Variants in MCUR1 observed in about 807,000 individuals in gnomAD.
The protein encoded by MCUR1 is MCU regulator 1.
MCUR1 carries 37 observed loss-of-function variants against 42.0 expected under a neutral mutation model. The ratio of observed to expected loss-of-function variants is 0.88; its 90% CI spans 0.68 to 1.16. MCUR1 has a LOEUF of 1.16. MCUR1 is among the 50% of genes most tolerant of loss of function. MCUR1 has a pLI of 0.00. For missense variants in MCUR1, 469 were observed against 468.4 expected, an observed-to-expected ratio of 1.00 and a Z score of -0.01; for synonymous variants, 229 against 196.2, an observed-to-expected ratio of 1.17 and a Z score of -1.40.
rs1324319379 is a variant in MCUR1, at chr6:13,789,353, A to G, written c.*1456T>C. Reference sequence around the variant, plus strand: ...GAGGCAGAGGTTGCAGTGAGCAGAGATCACGACAATGCACTCCAGCCCTGC... The same window carrying G: ...GAGGCAGAGGTTGCAGTGAGCAGAGGTCACGACAATGCACTCCAGCCCTGC... On this transcript the variant is annotated 3_prime_UTR_variant, in exon 9 of 9. Coordinates refer to ENST00000379170, the MANE Select transcript of MCUR1 (RefSeq NM_001031713.4). The G allele has an allele frequency of 6.6e-6, 1 of 152,278 alleles. No homozygotes were observed. Among genetic ancestry groups the G allele is most frequent in the African/African-American group, 2.4e-5 (1 of 41,404 alleles). The allele number at this position is 152,278 out of a possible 1,614,324, so 9.4% of individuals were successfully genotyped here.
chr6:13,814,388 C>T lies in MCUR1; in HGVS notation c.42G>A (p.Leu14=), dbSNP rs1760325085. The change falls in exon 1 of 9, where the codon CTG becomes CTA. Residue 14 remains leucine, a synonymous_variant. Coordinates refer to ENST00000379170, the MANE Select transcript of MCUR1 (RefSeq NM_001031713.4). ...GSVGGQRTQR[L]PGRQRLLFLP... ...AGAAGAGAAGCCGCTGGCGGCCGGG[C>T]AGGCGCTGGGTCCTCTGGCCGCCGA... 2.0e-6 allele frequency: 3 copies of T among 1,535,108 alleles called. No individual in the cohort carries two copies. The highest frequency in any genetic ancestry group is 2.4e-5 in the South Asian group (2 of 83,950).
At chr6:13,813,817 C>T (rs1760292785) in intron 1 of MCUR1, among the ~76,000 whole-genome samples, 198 bp downstream of exon 1, 1 of 152,208 alleles carries the variant, frequency 6.6e-6, no homozygotes, top group Non-Finnish European at 1.5e-5. Context: ...TTCGTCTCTT[C>T]TGGGCTAAGC....
rs1759919485 is a variant in MCUR1, at chr6:13,798,896, C to T, written c.792G>A (p.Val264=). 6.3e-7 allele frequency: 1 copy of T among 1,590,646 alleles called. No homozygotes were observed. The highest frequency in any genetic ancestry group is 8.6e-7 in the Non-Finnish European group (1 of 1,159,576). Residue 264 remains valine (V), a synonymous_variant, in exon 6 of 9, where the codon GTG becomes GTA. Transcript: ENST00000379170. ...HQLKQQVMDE[V]IKVRTDTKLD... is the part of the protein sequence containing the mutation. ...ATTTGGTATCTGTTCGGACTTTGAT[C>T]ACTTCATCCTAAAAGGAGGGCAAAC...
chr6:13,811,359 T>C (rs1200218877), intron 1 of MCUR1, among the ~76,000 whole-genome samples: 2 of 152,098 alleles, frequency 1.3e-5, no homozygotes, highest in Non-Finnish European at 2.9e-5. Context: ...TTTTTGGTAA[T>C]TGAACTGTAA....
Position 13,791,037 on chromosome 6 carries a change from T to A in MCUR1, c.1025-173A>T, listed in dbSNP as rs561799893. On this transcript the variant is annotated intron_variant, in intron 8 of 8. Transcript: ENST00000379170. ...AAAAAACAAATCCCACACCCTTTATTTTATTTTCTTATTTTAGAGACATGG... is the reference window on the plus strand; with the variant it reads ...AAAAAACAAATCCCACACCCTTTATATTATTTTCTTATTTTAGAGACATGG... 3.3e-5 allele frequency among the ~76,000 whole-genome samples: 5 copies of A among 152,206 alleles called. No homozygotes were observed. In the South Asian group the frequency reaches 1.0e-3, roughly 32 times the overall value.
At position 13,814,539 on chromosome 6, in the gene MCUR1, C is replaced by T. The variant is rs1760334788; in HGVS notation, c.-110G>A. ...CAGCGGGAGCGAGCGTGGGCCACAG[C>T]GCAGGACCGCCCTTTCCTGCCGGGC... On this transcript the variant is annotated 5_prime_UTR_variant, in exon 1 of 9. Coordinates refer to ENST00000379170, the MANE Select transcript of MCUR1 (RefSeq NM_001031713.4). 3 of 1,194,552 alleles carry T rather than the reference C, an allele frequency of 2.5e-6. No individual in the cohort carries two copies. Among genetic ancestry groups the T allele is most frequent in the Non-Finnish European group, 3.2e-6 (3 of 946,576 alleles). The allele number at this position is 1,194,552 out of a possible 1,614,324, so 74.0% of individuals were successfully genotyped here. A position where few individuals can be genotyped will look rare whatever the true frequency, so the allele number is the denominator to read the frequency against.
At chr6:13,801,638 C>T (rs891061006) in intron 3 of MCUR1, among the ~76,000 whole-genome samples, 2 of 152,094 alleles carry the variant, frequency 1.3e-5, no homozygotes, top group African/African-American at 2.4e-5. Flanking sequence ...TCACTTGAGC[C>T]AAGGAGTTCG....
chr6:13,792,136 C>G (rs1422036895), intron 7 of MCUR1, 144 bp from the exon 8 acceptor site: 27 of 654,518 alleles, frequency 4.1e-5, no homozygotes, highest in South Asian at 5.3e-5. Flanking sequence ...AGTTCTAAAA[C>G]CCTAATTCTA....
chr6:13,812,240 C>A (rs1445383175), intron 1 of MCUR1, among the ~76,000 whole-genome samples: 1 of 152,136 alleles, frequency 6.6e-6, no homozygotes, highest in African/African-American at 2.4e-5. Flanking sequence ...CTCATGACAT[C>A]CTTAAGTAGC....
At chr6:13,794,204 C>T (rs1172371201) in intron 6 of MCUR1, among the ~76,000 whole-genome samples, 3 of 151,926 alleles carry the variant, frequency 2.0e-5, no homozygotes, top group Admixed American at 6.6e-5. Context: ...CTGCCCACCT[C>T]GGCCTCCCAA....
rs971365583 is a variant in MCUR1, at chr6:13,798,892, T to C, written c.796A>G (p.Lys266Glu). Residue 266 changes from lysine (K) to glutamate (E), a missense_variant, in exon 6 of 9, where the codon AAA becomes GAA. Lys to Glu is a moderately conservative substitution (Grantham distance 56). Transcript: ENST00000379170. ...TCTAATTTGGTATCTGTTCGGACTTTGATCACTTCATCCTAAAAGGAGGGC... is the reference window on the plus strand; with the variant it reads ...TCTAATTTGGTATCTGTTCGGACTTCGATCACTTCATCCTAAAAGGAGGGC... ...LKQQVMDEVI[K>E]VRTDTKLDFN... 2 of 1,600,372 alleles carry C rather than the reference T, an allele frequency of 1.2e-6. No individual in the cohort carries two copies. The highest frequency in any genetic ancestry group is 3.3e-5 in the Admixed American group (2 of 59,818).
intron 6 of MCUR1, among the ~76,000 whole-genome samples, chr6:13,796,363 C>T (rs1012704644): frequency 6.6e-6 from 1 of 150,864 alleles, no homozygotes; most frequent in Non-Finnish European, 1.5e-5. Context: ...TCTCGGCTCA[C>T]TGCAATCTCT....
intron 1 of MCUR1, among the ~76,000 whole-genome samples, chr6:13,808,142 G>C (rs1035146097): frequency 1.3e-5 from 2 of 152,130 alleles, no homozygotes; most frequent in African/African-American, 2.4e-5. Context: ...CCCCTTCCCC[G>C]ACACGTGTGC....
chr6:13,790,906 A>C, intron 8 of MCUR1, 42 bp from the exon 9 acceptor site: 1 of 1,442,610 alleles, frequency 6.9e-7, no homozygotes, highest in Non-Finnish European at 9.6e-7. Flanking sequence ...AGTTCTATTA[A>C]GAGTTACTTG....
chr6:13,813,889 G>C, intron 1 of MCUR1, 126 bp downstream of exon 1: 1 of 1,030,324 alleles, frequency 9.7e-7, no homozygotes, highest in Non-Finnish European at 1.2e-6. Context: ...GGCAGATGCC[G>C]GTGGCCTTGG....
intron 1 of MCUR1, among the ~76,000 whole-genome samples, chr6:13,812,803 A>G (rs1315272231): frequency 6.6e-6 from 1 of 152,232 alleles, no homozygotes; most frequent in East Asian, 1.9e-4. Flanking sequence ...AGACTGCCCA[A>G]AGTGATAATT....
In MCUR1 at chr6:13,789,386, C is replaced by A. The variant is rs549702512; in HGVS notation, c.*1423G>T. Reference sequence around the variant, plus strand: ...AATGCACTCCAGCCCTGCGACAGTGCGAGACTCCGTCTCAAAAAAAAAAAA... The same window carrying A: ...AATGCACTCCAGCCCTGCGACAGTGAGAGACTCCGTCTCAAAAAAAAAAAA... On this transcript the variant is annotated 3_prime_UTR_variant, in exon 9 of 9. Coordinates refer to ENST00000379170, the MANE Select transcript of MCUR1 (RefSeq NM_001031713.4). 6.7e-6 allele frequency: 1 copy of A among 149,776 alleles called. No homozygotes were observed. Among genetic ancestry groups the A allele is most frequent in the African/African-American group, 2.5e-5 (1 of 40,516 alleles). 9.3% of individuals were successfully genotyped at this position (149,776 alleles called of 1,614,324 possible). A position where few individuals can be genotyped will look rare whatever the true frequency, so the allele number is the denominator to read the frequency against.
rs775772904 is a variant in MCUR1, at chr6:13,802,286, T to C, written c.596A>G (p.Asn199Ser). 3.1e-6 allele frequency: 5 copies of C among 1,614,008 alleles called. No individual in the cohort carries two copies. In the African/African-American group the frequency reaches 5.3e-5, roughly 17 times the overall value. ...VSALVKILEANMDIVYKDMVT... is the reference protein window; with the variant it reads ...VSALVKILEASMDIVYKDMVT... ...CATATCTTTGTAGACGATGTCCATG[T>C]TGGCCTCCAGGATCTTGACCAATGC... The change falls in exon 3 of 9, where the codon AAC becomes AGC. Residue 199 changes from asparagine to serine, a missense_variant. Transcript: ENST00000379170.
At position 13,807,106 on chromosome 6, in the gene MCUR1, C is replaced by G. The variant is rs148821997; in HGVS notation, c.416-62G>C. ...CATGCAAAACAAAAGCAACTCAGCA[C>G]CCAGAGAAAATAAGGCATACCCCAA... On this transcript the variant is annotated intron_variant, in intron 1 of 8. Coordinates refer to ENST00000379170, the MANE Select transcript of MCUR1 (RefSeq NM_001031713.4). The G allele has an allele frequency of 4.5e-5, 68 of 1,523,032 alleles. 1 individual carries two copies. In the African/African-American group the frequency reaches 7.8e-4, roughly 17 times the overall value. 94.3% of individuals were successfully genotyped at this position (1,523,032 alleles called of 1,614,324 possible).
Sources: allele counts gnomAD v4.1 joint callset (sites outside exome capture counted in the v4.1 genomes callset), GRCh38; gene constraint gnomAD v4.1.1; transcripts MANE v1.5; gene names NCBI Gene and HGNC (gene_info 2026-07-23, HGNC 2026-07-21).